The following DSCAM variants were observed in gnomAD, a reference collection of about 807,000 sequenced individuals.
DSCAM encodes DS cell adhesion molecule, also known as cell adhesion molecule DSCAM.
DSCAM carries 47 observed loss-of-function variants against 217.7 expected under a neutral mutation model. That is an observed-to-expected ratio of 0.22 (90% CI 0.17 to 0.28). The LOEUF (loss-of-function observed/expected upper bound fraction) is 0.28. Ranked by LOEUF, DSCAM falls within the 10% of genes least tolerant of loss-of-function variation. DSCAM has a pLI of 1.00. For synonymous variants in DSCAM, 1,056 were observed against 1,015.3 expected (o/e 1.04, Z -0.76); for missense variants, 2,080 against 2,618.3 (o/e 0.79, Z 4.49).
chr21:40,155,716 C>T (rs150012873), intron 16 of DSCAM, among the ~76,000 whole-genome samples: 182 of 152,220 alleles, frequency 1.2e-3, no homozygotes, highest in Non-Finnish European at 2.2e-3. Context: ...CATGATCCAA[C>T]ACCGCTGGTA....
At chr21:40,808,166 T>C (rs2091804923) in intron 1 of DSCAM, among the ~76,000 whole-genome samples, 1 of 152,142 alleles carries the variant, frequency 6.6e-6, no homozygotes, top group South Asian at 2.1e-4. Context: ...CCAGCTTCAA[T>C]GTTCCTCAAA....
At chr21:40,323,023 C>T (rs1569063254) in intron 8 of DSCAM, among the ~76,000 whole-genome samples, 2 of 152,220 alleles carry the variant, frequency 1.3e-5, no homozygotes, top group South Asian at 4.2e-4. Flanking sequence ...GCTGCAGAGG[C>T]CCACTTCACC....
chr21:40,596,639 C>T (rs545755851), intron 3 of DSCAM, among the ~76,000 whole-genome samples: 28 of 152,260 alleles, frequency 1.8e-4, no homozygotes, highest in African/African-American at 6.7e-4. Flanking sequence ...TAATTTCTTG[C>T]AACAAGAAAA....
intron 1 of DSCAM, among the ~76,000 whole-genome samples, chr21:40,818,611 C>G (rs1300425006): frequency 1.4e-5 from 2 of 146,456 alleles, no homozygotes; most frequent in Non-Finnish European, 3.0e-5. Context: ...ATAGTTATCC[C>G]ACGCTTGAGC....
rs1488456634 is a variant in DSCAM, at chr21:40,547,886, C to A, written c.508+144924G>T. ...AGGGAGCAAGACGAAGGCAGGCAGG[C>A]AGCATTTCCTCTACAGACAGACACT... is the stretch of plus-strand genomic sequence containing the variant. On this transcript the variant is annotated intron_variant, in intron 3 of 32. Coordinates refer to ENST00000400454, the MANE Select transcript of DSCAM (RefSeq NM_001389.5). Among the ~76,000 whole-genome samples, 3 of 152,188 alleles carry A rather than the reference C, an allele frequency of 2.0e-5. No individual in the cohort carries two copies. In the East Asian group the frequency reaches 5.8e-4, roughly 29 times the overall value.
chr21:40,453,366 G>C (rs1172077125), intron 3 of DSCAM, among the ~76,000 whole-genome samples: 1 of 152,122 alleles, frequency 6.6e-6, no homozygotes, highest in East Asian at 1.9e-4. Flanking sequence ...GTCACACTAG[G>C]AAAGGTCACA....
chr21:40,389,810 T>A (rs141329252), intron 3 of DSCAM, among the ~76,000 whole-genome samples: 1 of 152,188 alleles, frequency 6.6e-6, no homozygotes, highest in Non-Finnish European at 1.5e-5. Context: ...TGTTCATGCA[T>A]CAAGGAAGAG....
intron 21 of DSCAM, among the ~76,000 whole-genome samples, chr21:40,089,149 C>A (rs567518392): frequency 1.3e-5 from 2 of 152,168 alleles, no homozygotes; most frequent in East Asian, 3.8e-4. Context: ...GCCCAACAAC[C>A]CCCATGCTAT....
chr21:40,629,493 A>G (rs1474059417), intron 3 of DSCAM: 1 of 152,208 alleles, frequency 6.6e-6, no homozygotes, highest in Non-Finnish European at 1.5e-5. Context: ...CCAATGAAAC[A>G]AGAGGAGAAG....
intron 3 of DSCAM, among the ~76,000 whole-genome samples, chr21:40,470,523 G>A (rs1400329773): frequency 6.6e-6 from 1 of 152,266 alleles, no homozygotes. Flanking sequence ...CCAACACGAA[G>A]CTTACTCTTA....
chr21:40,452,763 C>G (rs942107132), intron 3 of DSCAM, among the ~76,000 whole-genome samples: 2 of 151,792 alleles, frequency 1.3e-5, no homozygotes, highest in Non-Finnish European at 2.9e-5. Context: ...CATTCTCTAC[C>G]AAGGCTCATA....
rs1568939046 is a variant in DSCAM at position 40,097,961 on chromosome 21, AGAAAGAAAG to A, written c.3697-4096_3697-4088del. 3.6e-3 allele frequency among the ~76,000 whole-genome samples: 223 copies of A among 62,470 alleles called. 42 individuals carry two copies. Among genetic ancestry groups the A allele is most frequent in the African/African-American group, 0.018 (204 of 11,108 alleles). 41.0% of individuals were successfully genotyped at this position (62,470 alleles called of 152,430 possible). A position where few individuals can be genotyped will look rare whatever the true frequency, so the allele number is the denominator to read the frequency against. The stretch of plus-strand genomic sequence containing the variant: ...GTCTCAAAAAAAAAAAAAAAAAGAA[AGAAAGAAAG>A]AAAGAAAGAAAGAAAGAAAGAAAGA... On this transcript the variant is annotated intron_variant, in intron 20 of 32. Coordinates refer to ENST00000400454, the MANE Select transcript of DSCAM (RefSeq NM_001389.5).
chr21:40,842,892 C>T (rs1001209157), intron 1 of DSCAM, among the ~76,000 whole-genome samples: 3 of 152,062 alleles, frequency 2.0e-5, no homozygotes, highest in Non-Finnish European at 4.4e-5. Flanking sequence ...TGAAGGTCTG[C>T]GTGGCATTTT....
chr21:40,144,750 A>T lies in DSCAM; in HGVS notation c.3019-19T>A. 6.2e-7 allele frequency: 1 copy of T among 1,613,956 alleles called. No individual in the cohort carries two copies. Among genetic ancestry groups the T allele is most frequent in the South Asian group, 1.1e-5 (1 of 91,082 alleles). Reference sequence around the variant, plus strand: ...TGGGAGCCTAAACAGGAGAGAAAAGAACACACTAAAGAAGTCTTGAGGTAG... The same window carrying T: ...TGGGAGCCTAAACAGGAGAGAAAAGTACACACTAAAGAAGTCTTGAGGTAG... On this transcript the variant is annotated intron_variant, in intron 16 of 32. Coordinates refer to ENST00000400454, the MANE Select transcript of DSCAM (RefSeq NM_001389.5). The surrounding 1 kb of genome is among the most constrained non-coding windows in gnomAD (Gnocchi z 4.8).
intron 11 of DSCAM, among the ~76,000 whole-genome samples, chr21:40,224,051 G>A (rs2091311068): frequency 1.3e-5 from 2 of 152,238 alleles, no homozygotes; most frequent in Non-Finnish European, 2.9e-5. Context: ...ATAACCCACA[G>A]TGTCATAACA....
chr21:40,035,473 AAT>A (rs1222994847), intron 32 of DSCAM, among the ~76,000 whole-genome samples: 1 of 130,782 alleles, frequency 7.6e-6, no homozygotes, highest in Non-Finnish European at 1.6e-5. Context: ...AACTATCCTA[AAT>A]ATATATGCAC....
chr21:40,421,376 C>T (rs2075422510), intron 3 of DSCAM, among the ~76,000 whole-genome samples: 1 of 152,216 alleles, frequency 6.6e-6, no homozygotes, highest in African/African-American at 2.4e-5. Context: ...TAAGCATAGT[C>T]ATAGGCAAGG....
intron 26 of DSCAM, among the ~76,000 whole-genome samples, chr21:40,078,161 T>C (rs2089395903): frequency 6.6e-6 from 1 of 152,232 alleles, no homozygotes; most frequent in Non-Finnish European, 1.5e-5. Context: ...TGTGTGAGTT[T>C]GTGTGTGTGC....
At chr21:40,274,737 T>C (rs1456092741) in intron 11 of DSCAM, among the ~76,000 whole-genome samples, 1 of 152,248 alleles carries the variant, frequency 6.6e-6, no homozygotes, top group African/African-American at 2.4e-5. Flanking sequence ...GTATTGAGTA[T>C]GTGCAAAATA....
Sources: gnomAD v4.1 joint callset for allele counts (sites outside exome capture counted in the v4.1 genomes callset) on GRCh38, gnomAD v4.1.1 for gene constraint, Gnocchi (gnomAD v3.1) non-coding constraint, MANE v1.5 for transcripts, NCBI Gene and HGNC (gene_info 2026-07-23, HGNC 2026-07-21) for gene names.